SLC6A16: variants seen among roughly 807,000 people sequenced by gnomAD.
SLC6A16 encodes orphan sodium- and chloride-dependent neurotransmitter transporter NTT5.
Under a neutral mutation model 65.4 loss-of-function variants are expected in SLC6A16, and 54 were observed. That is an observed-to-expected ratio of 0.83 (90% CI 0.66 to 1.04). The LOEUF is 1.04. Among genes scored for constraint, SLC6A16 ranks in the 50% least tolerant of loss-of-function variants. The pLI is 0.00. For missense variants in SLC6A16, 816 were observed against 914.0 expected (o/e 0.89, Z 1.38); for synonymous variants, 330 against 346.5 (o/e 0.95, Z 0.53).
At chr19:49,338,514 G>T in the SLC6A16 span, among the ~76,000 whole-genome samples, 1 of 151,688 alleles carries the variant, frequency 6.6e-6, no homozygotes, top group Non-Finnish European at 1.5e-5. The surrounding 1 kb of genome is among the most constrained non-coding windows in gnomAD (Gnocchi z 5.0). Context: ...GTCTTTCCCA[G>T]CCCCATGTTC....
chr19:49,293,426 T>G (rs750821674), intron 9 of SLC6A16, 44 bp from the exon 10 acceptor site: 2 of 1,602,722 alleles, frequency 1.2e-6, no homozygotes, highest in South Asian at 2.2e-5. Context: ...AAGTCACGGC[T>G]GGGTGACAAG....
intron 1 of SLC6A16, among the ~76,000 whole-genome samples, chr19:49,316,569 A>G (rs1970615304): frequency 6.6e-6 from 1 of 152,146 alleles, no homozygotes; most frequent in Admixed American, 6.6e-5. Flanking sequence ...ATAACAGTTG[A>G]GTGCATGGAG....
At chr19:49,316,295 G>A (rs997242333) in intron 1 of SLC6A16, among the ~76,000 whole-genome samples, 2 of 151,986 alleles carry the variant, frequency 1.3e-5, no homozygotes, top group African/African-American at 2.4e-5. Context: ...TAGATTGCAA[G>A]CCCAAAATCC....
At chr19:49,318,454 A>G (rs189897337) in intron 1 of SLC6A16, among the ~76,000 whole-genome samples, 3 of 152,350 alleles carry the variant, frequency 2.0e-5, no homozygotes, top group African/African-American at 7.2e-5. Context: ...ATTCCTTAAG[A>G]TAATACAGAC....
At chr19:49,318,878 T>TTC (rs1970660019) in intron 1 of SLC6A16, among the ~76,000 whole-genome samples, 2 of 148,872 alleles carry the variant, frequency 1.3e-5, no homozygotes, top group Admixed American at 1.3e-4. Context: ...ATTTTTTTTT[T>TTC]TTTTTTTTTT....
the SLC6A16 span, chr19:49,338,076 C>A: frequency 1.9e-6 from 3 of 1,600,726 alleles, no homozygotes; most frequent in Non-Finnish European, 2.6e-6. This position sits in a 1 kb window ranked among gnomAD's most constrained non-coding sequence, Gnocchi z 5.0. Flanking sequence ...CCGCCTCAGC[C>A]CTGTGCTTGG....
intron 1 of SLC6A16, among the ~76,000 whole-genome samples, chr19:49,319,408 T>A (rs2146167691): frequency 6.6e-6 from 1 of 150,472 alleles, no homozygotes; most frequent in Admixed American, 6.7e-5. Context: ...TATATGTGTG[T>A]GTGTATATAT....
rs139010822 is a variant in SLC6A16 at position 49,292,857 on chromosome 19, C to T, written c.1778+366G>A. 5.2e-3 allele frequency among the ~76,000 whole-genome samples: 787 copies of T among 152,318 alleles called. 5 individuals carry two copies. The highest frequency in any genetic ancestry group is 0.018 in the African/African-American group (738 of 41,560). On this transcript the variant is annotated intron_variant, in intron 10 of 11. Coordinates refer to ENST00000335875, the MANE Select transcript of SLC6A16 (RefSeq NM_014037.3). This position sits in a 1 kb window ranked among gnomAD's most constrained non-coding sequence, Gnocchi z 4.3. The stretch of plus-strand genomic sequence containing the variant: ...GTGACTTGGTGCCCACACACACTCC[C>T]ACTATGTGCCATCTGACCTCATCCT...
intron 1 of SLC6A16, among the ~76,000 whole-genome samples, chr19:49,313,374 A>G (rs1422709137): frequency 6.6e-6 from 1 of 152,104 alleles, no homozygotes; most frequent in Non-Finnish European, 1.5e-5. Flanking sequence ...TATGATGCTC[A>G]GGCTGGCCTC....
At chr19:49,329,855 G>T (rs908947194), upstream of SLC6A16, among the ~76,000 whole-genome samples, 4 of 151,894 alleles carry the variant, frequency 2.6e-5, no homozygotes, top group Non-Finnish European at 4.4e-5. Context: ...GGATGGTCTC[G>T]ATCTCCTGAA....
rs1391387765 is a variant in SLC6A16, at chr19:49,311,848, C to CA, written c.-64-438dup. ...TGGGAGACAGAGTAAGGCTCCATCT[C>CA]AAAAAAAAAAGAAAAAAAAAAAAGA... On this transcript the variant is annotated intron_variant, in intron 1 of 11. Coordinates refer to ENST00000335875, the MANE Select transcript of SLC6A16 (RefSeq NM_014037.3). Among the ~76,000 whole-genome samples, 313 of 101,586 alleles carry CA rather than the reference C, an allele frequency of 3.1e-3. 1 individual carries two copies. The highest frequency in any genetic ancestry group is 8.7e-3 in the African/African-American group (231 of 26,648). The allele number at this position is 101,586 out of a possible 152,430, so 66.6% of individuals were successfully genotyped here. A position where few individuals can be genotyped will look rare whatever the true frequency, so the allele number is the denominator to read the frequency against.
chr19:49,310,538 G>C, intron 2 of SLC6A16, 28 bp from the exon 3 acceptor site: 1 of 1,613,624 alleles, frequency 6.2e-7, no homozygotes, highest in Non-Finnish European at 8.5e-7. Flanking sequence ...AAGGGACTCT[G>C]AGAACCATGT....
chr19:49,326,919 T>C (rs1470321212), upstream of SLC6A16, among the ~76,000 whole-genome samples: 1 of 151,724 alleles, frequency 6.6e-6, no homozygotes, highest in East Asian at 1.9e-4. Context: ...CTCGGGTGGC[T>C]GAGGCACAAG....
chr19:49,302,837 T>C (rs1970314807), intron 7 of SLC6A16, among the ~76,000 whole-genome samples: 1 of 151,406 alleles, frequency 6.6e-6, no homozygotes, highest in Non-Finnish European at 1.5e-5. Context: ...AGAATAACAA[T>C]AAACAAAAAA....
At chr19:49,339,065 C>T in the SLC6A16 span, 5 of 778,518 alleles carry the variant, frequency 6.4e-6, no homozygotes, top group Non-Finnish European at 1.0e-5. This position sits in a 1 kb window ranked among gnomAD's most constrained non-coding sequence, Gnocchi z 4.5. Context: ...GCAGGAGGGG[C>T]GGGGCCCTCT....
the SLC6A16 span, chr19:49,340,294 A>G: frequency 6.2e-7 from 1 of 1,613,730 alleles, no homozygotes; most frequent in Non-Finnish European, 8.5e-7. Flanking sequence ...AGAAACCTGG[A>G]CCACGTCTAC....
chr19:49,302,419 C>G (rs574664322), intron 7 of SLC6A16, among the ~76,000 whole-genome samples: 1 of 152,304 alleles, frequency 6.6e-6, no homozygotes, highest in East Asian at 1.9e-4. Context: ...TAACAAGACT[C>G]TGTGTCCCTC....
In SLC6A16 at chr19:49,311,859, G is replaced by GA. The variant is rs891079475; in HGVS notation, c.-64-449dup. Among the ~76,000 whole-genome samples the GA allele has an allele frequency of 2.4e-3, 286 of 120,664 alleles. 6 individuals are homozygous for GA. The highest frequency in any genetic ancestry group is 6.7e-3 in the African/African-American group (220 of 33,022). The allele number at this position is 120,664 out of a possible 152,430, so 79.2% of individuals were successfully genotyped here. A position where few individuals can be genotyped will look rare whatever the true frequency, so the allele number is the denominator to read the frequency against. On this transcript the variant is annotated intron_variant, in intron 1 of 11. Transcript: ENST00000335875. ...GTAAGGCTCCATCTCAAAAAAAAAA[G>GA]AAAAAAAAAAAAGAAATGTTTTCTT... is the stretch of plus-strand genomic sequence containing the variant.
chr19:49,318,863 T>A (rs1433293167), intron 1 of SLC6A16, among the ~76,000 whole-genome samples: 2 of 129,430 alleles, frequency 1.5e-5, no homozygotes, highest in Non-Finnish European at 1.6e-5. Context: ...CCACCACAAC[T>A]GGCTATTTTT....
Sources: allele counts gnomAD v4.1 joint callset (sites outside exome capture counted in the v4.1 genomes callset), GRCh38; gene constraint gnomAD v4.1.1; non-coding constraint Gnocchi (gnomAD v3.1); transcripts MANE v1.5; gene names NCBI Gene and HGNC (gene_info 2026-07-23, HGNC 2026-07-21).